The following PRDM10 variants were observed in gnomAD, a reference collection of about 807,000 sequenced individuals.
The protein encoded by PRDM10 is PR/SET domain 10, also known as PR domain zinc finger protein 10.
A neutral mutation model predicts 133.1 loss-of-function variants in PRDM10; 65 were observed. That is an observed-to-expected ratio of 0.49 (90% CI 0.40 to 0.60). The LOEUF is 0.60. Ranked by LOEUF, PRDM10 falls within the 20% of genes least tolerant of loss-of-function variation. PRDM10 has a pLI of 0.00. For synonymous variants in PRDM10, 582 were observed against 580.4 expected (o/e 1.00, Z -0.04); for missense variants, 1,137 against 1,507.1 (o/e 0.75, Z 4.07).
At chr11:129,999,622 T>C (rs567206328) in intron 1 of PRDM10, among the ~76,000 whole-genome samples, 1 of 152,306 alleles carries the variant, frequency 6.6e-6, no homozygotes, top group East Asian at 1.9e-4. Flanking sequence ...TTTTACCAGA[T>C]ATAATTACGC....
At position 129,902,459 on chromosome 11, in the gene PRDM10, G is replaced by A. The variant is rs778676522; in HGVS notation, c.3325C>T (p.Leu1109Phe). Residue 1109 changes from leucine (L) to phenylalanine (F), a missense_variant, in exon 21 of 21, where the codon CTC (leucine) becomes TTC (phenylalanine). Around this residue, in one of 6 missense-constraint regions of PRDM10, gnomAD observed 243 missense variants for 259.2 expected, o/e 0.94. Coordinates refer to ENST00000360871, the MANE Select transcript of PRDM10 (RefSeq NM_199437.2). The part of the protein sequence containing the change: ...SELEEKQTSA[L>F]SGGVQVEPPA... ...GGCTCGACCTGGACTCCACCAGAGA[G>A]GGCAGAAGTTTGCTTTTCTTCCAAT... The A allele has an allele frequency of 1.2e-6, 2 of 1,614,086 alleles. No homozygotes were observed. Among genetic ancestry groups the A allele is most frequent in the Non-Finnish European group, 1.7e-6 (2 of 1,180,050 alleles).
chr11:129,961,341 G>A (rs1209210094), intron 1 of PRDM10, among the ~76,000 whole-genome samples: 1 of 152,008 alleles, frequency 6.6e-6, no homozygotes, highest in Non-Finnish European at 1.5e-5. Context: ...GTCTCGCTCT[G>A]TTGCCCAGGC....
Position 129,923,505 on chromosome 11 carries a change from G to T in PRDM10, c.1879-102C>A. 1 of 1,282,316 alleles carries T rather than the reference G, an allele frequency of 7.8e-7. No individual in the cohort carries two copies. The highest frequency in any genetic ancestry group is 1.0e-6 in the Non-Finnish European group (1 of 956,632). The allele number at this position is 1,282,316 out of a possible 1,614,324, so 79.4% of individuals were successfully genotyped here. A position where few individuals can be genotyped will look rare whatever the true frequency, so the allele number is the denominator to read the frequency against. ...AGAGGGAGCCAAACGCATTACCATG[G>T]GTTTTCATCAACCCCGCCGAGGAAT... is the stretch of plus-strand genomic sequence containing the variant. On this transcript the variant is annotated intron_variant, in intron 12 of 20. Coordinates refer to ENST00000360871, the MANE Select transcript of PRDM10 (RefSeq NM_199437.2). This position sits in a 1 kb window ranked among gnomAD's most constrained non-coding sequence, Gnocchi z 4.4.
chr11:129,912,097 C>A lies in PRDM10; in HGVS notation c.2970G>T (p.Pro990=). 1 of 1,608,308 alleles carries A rather than the reference C, an allele frequency of 6.2e-7. No individual in the cohort carries two copies. Among genetic ancestry groups the A allele is most frequent in the East Asian group, 2.2e-5 (1 of 44,504 alleles). ...IQVSEPTASA[P]SSAQVSGQPL... is the part of the protein sequence containing the mutation. ...TGGAGCAGGGTACCTGGGCGGAGGA[C>A]GGGGCCGAGGCGGTAGGCTCGCTGA... is the stretch of plus-strand genomic sequence containing the variant. The change falls in exon 18 of 21, where the codon CCG becomes CCT. Residue 990 remains proline (P), a synonymous_variant. Coordinates refer to ENST00000360871, the MANE Select transcript of PRDM10 (RefSeq NM_199437.2).
intron 18 of PRDM10, among the ~76,000 whole-genome samples, chr11:129,911,027 C>T (rs1024847648): frequency 3.9e-5 from 6 of 152,194 alleles, no homozygotes; most frequent in Non-Finnish European, 5.9e-5. Flanking sequence ...CCACCCGCCT[C>T]GGCCTCCCAA....
chr11:129,945,872 G>A lies in PRDM10; in HGVS notation c.521-860C>T, dbSNP rs1031071421. 2.6e-5 allele frequency among the ~76,000 whole-genome samples: 4 copies of A among 152,180 alleles called. No individual in the cohort carries two copies. Among genetic ancestry groups the A allele is most frequent in the South Asian group, 2.1e-4 (1 of 4,824 alleles). On this transcript the variant is annotated intron_variant, in intron 5 of 20. Transcript: ENST00000360871. This position sits in a 1 kb window ranked among gnomAD's most constrained non-coding sequence, Gnocchi z 4.2. The stretch of plus-strand genomic sequence containing the variant: ...TAATTTCTACAATTCTCAAATAACA[G>A]AGCTACTTTGTATTAATATTTTAAA...
chr11:130,000,239 T>C (rs1245080957), intron 1 of PRDM10, among the ~76,000 whole-genome samples: 1 of 152,152 alleles, frequency 6.6e-6, no homozygotes, highest in Non-Finnish European at 1.5e-5. Flanking sequence ...AGACAGGCTT[T>C]CACCATGTTG....
intron 1 of PRDM10, among the ~76,000 whole-genome samples, chr11:129,966,882 C>T (rs549309910): frequency 2.6e-5 from 4 of 152,264 alleles, no homozygotes; most frequent in African/African-American, 9.6e-5. Flanking sequence ...GAGAATGATA[C>T]TGTGTGGAAA....
chr11:129,997,247 G>T (rs1939112376), intron 1 of PRDM10, among the ~76,000 whole-genome samples: 1 of 152,250 alleles, frequency 6.6e-6, no homozygotes, highest in African/African-American at 2.4e-5. Context: ...GGGAGGCAGA[G>T]ATGGGTGGAT....
At chr11:129,913,169 G>A (rs989090415) in intron 17 of PRDM10, among the ~76,000 whole-genome samples, 7 of 139,316 alleles carry the variant, frequency 5.0e-5, no homozygotes, top group Admixed American at 2.3e-4. Context: ...AGTGAGCCAT[G>A]ATTGTGCCAC....
At chr11:129,992,526 G>A (rs918929538) in intron 1 of PRDM10, among the ~76,000 whole-genome samples, 6 of 152,164 alleles carry the variant, frequency 3.9e-5, no homozygotes, top group African/African-American at 9.7e-5. Context: ...GCCAGGACCC[G>A]AGCATGGTTT....
chr11:129,926,379 G>A (rs533575408), intron 11 of PRDM10, among the ~76,000 whole-genome samples: 2 of 152,196 alleles, frequency 1.3e-5, no homozygotes, highest in Non-Finnish European at 2.9e-5. Context: ...CTGAGGGAAA[G>A]CTCTAGATTG....
chr11:129,944,760 G>A lies in PRDM10; in HGVS notation c.762+11C>T. On this transcript the variant is annotated intron_variant, in intron 6 of 20. Transcript: ENST00000360871. Reference sequence around the variant, plus strand: ...AAGGACAGGAGTGAAGTGTGATAGAGCATAAATTACCTTGAGGTGAATGTA... The same window carrying A: ...AAGGACAGGAGTGAAGTGTGATAGAACATAAATTACCTTGAGGTGAATGTA... 1 of 1,613,736 alleles carries A rather than the reference G, an allele frequency of 6.2e-7. No homozygotes were observed.
intron 19 of PRDM10, among the ~76,000 whole-genome samples, chr11:129,907,119 A>AC (rs1234784007): frequency 6.6e-6 from 1 of 152,212 alleles, no homozygotes; most frequent in Non-Finnish European, 1.5e-5. Flanking sequence ...ATAGAAGTAC[A>AC]CACACCAGCT....
chr11:129,902,301 C>T lies in PRDM10; in HGVS notation c.*12G>A, dbSNP rs887436208. ...ATGAGGTGGGTGCTGGATTCAAGCT[C>T]CAGGGTGGAAGTCATGGTTTGGTGA... On this transcript the variant is annotated 3_prime_UTR_variant, in exon 21 of 21. Coordinates refer to ENST00000360871, the MANE Select transcript of PRDM10 (RefSeq NM_199437.2). 1.2e-6 allele frequency: 2 copies of T among 1,613,120 alleles called. No homozygotes were observed. Among genetic ancestry groups the T allele is most frequent in the African/African-American group, 2.7e-5 (2 of 74,884 alleles).
chr11:129,928,205 A>AG, intron 11 of PRDM10, among the ~76,000 whole-genome samples: 1 of 152,078 alleles, frequency 6.6e-6, no homozygotes, highest in East Asian at 1.9e-4. Flanking sequence ...TCCTGGACTC[A>AG]AGCAATCCTC....
intron 1 of PRDM10, among the ~76,000 whole-genome samples, chr11:129,991,895 A>T (rs1938779171): frequency 6.6e-6 from 1 of 151,544 alleles, no homozygotes; most frequent in African/African-American, 2.4e-5. Flanking sequence ...AGACAGGAGT[A>T]TCAGAGAATC....
At chr11:129,975,238 C>T (rs1937693896) in intron 1 of PRDM10, among the ~76,000 whole-genome samples, 1 of 152,046 alleles carries the variant, frequency 6.6e-6, no homozygotes. Flanking sequence ...ACCAGCCTGG[C>T]AAACACAGTG....
At position 129,947,619 on chromosome 11, in the gene PRDM10, G is replaced by T; in HGVS notation, c.295-249C>A. On this transcript the variant is annotated intron_variant, in intron 4 of 20. Coordinates refer to ENST00000360871, the MANE Select transcript of PRDM10 (RefSeq NM_199437.2). This position sits in a 1 kb window ranked among gnomAD's most constrained non-coding sequence, Gnocchi z 4.6. ...GCCCCTTCTGTCCCACACCTGGGAG[G>T]GCTGCTAAGAAGGCTCAGGTGCTCC... 7.6e-7 allele frequency: 1 copy of T among 1,317,372 alleles called. No homozygotes were observed. Among genetic ancestry groups the T allele is most frequent in the Non-Finnish European group, 1.0e-6 (1 of 1,000,838 alleles). 81.6% of individuals were successfully genotyped at this position (1,317,372 alleles called of 1,614,324 possible). A position where few individuals can be genotyped will look rare whatever the true frequency, so the allele number is the denominator to read the frequency against.
Sources: gnomAD v4.1 joint callset for allele counts (sites outside exome capture counted in the v4.1 genomes callset) on GRCh38, gnomAD v4.1.1 for gene constraint, gnomAD v4.1.1 regional missense constraint, Gnocchi (gnomAD v3.1) non-coding constraint, MANE v1.5 for transcripts, NCBI Gene and HGNC (gene_info 2026-07-23, HGNC 2026-07-21) for gene names.